The following YAP1 variants were observed in gnomAD, a reference collection of about 807,000 sequenced individuals.
YAP1 encodes the protein Yes1 associated transcriptional regulator, also known as transcriptional coactivator YAP1.
Under a neutral mutation model 56.9 loss-of-function variants are expected in YAP1, and 5 were observed. The ratio of observed to expected loss-of-function variants is 0.09; its 90% confidence interval spans 0.05 to 0.18. The LOEUF is 0.18. Among genes scored for constraint, YAP1 ranks in the 10% least tolerant of loss-of-function variants. The probability of loss-of-function intolerance (pLI) is 1.00; values close to 1 mark genes in which losing one functional copy is unlikely to be tolerated. For synonymous variants in YAP1, 265 were observed against 248.1 expected, an observed-to-expected ratio of 1.07 and a Z score of -0.64; for missense variants, 539 against 651.8, an observed-to-expected ratio of 0.83 and a Z score of 1.88.
chr11:102,124,580 G>A (rs1179199923), intron 2 of YAP1, among the ~76,000 whole-genome samples: 1 of 151,898 alleles, frequency 6.6e-6, no homozygotes, highest in Non-Finnish European at 1.5e-5. Context: ...TGTTTTATCT[G>A]TTATTTTTTT....
chr11:102,133,193 G>T (rs998119205), intron 2 of YAP1, among the ~76,000 whole-genome samples: 1 of 151,562 alleles, frequency 6.6e-6, no homozygotes, highest in African/African-American at 2.4e-5. Context: ...AAACAATTTG[G>T]TTTAAAAAAT....
chr11:102,121,858 C>T (rs975761240), intron 2 of YAP1, among the ~76,000 whole-genome samples: 1 of 152,150 alleles, frequency 6.6e-6, no homozygotes, highest in African/African-American at 2.4e-5. Flanking sequence ...AGTGCAGTTG[C>T]ATGATCACTG....
At chr11:102,133,534 T>A (rs1466359120) in intron 2 of YAP1, among the ~76,000 whole-genome samples, 1 of 152,194 alleles carries the variant, frequency 6.6e-6, no homozygotes, top group African/African-American at 2.4e-5. Context: ...AAGGCCCAAG[T>A]GATCTGCCTG....
chr11:102,199,179 A>C (rs1948719931), intron 4 of YAP1, among the ~76,000 whole-genome samples: 2 of 152,224 alleles, frequency 1.3e-5, no homozygotes, highest in Admixed American at 1.3e-4. Context: ...GTGAGAGAAT[A>C]ATCAGTCCTC....
At chr11:102,225,330 A>G (rs1319741617) in intron 7 of YAP1, among the ~76,000 whole-genome samples, 4 of 152,160 alleles carry the variant, frequency 2.6e-5, no homozygotes, top group African/African-American at 9.7e-5. Context: ...TACTAAAAAT[A>G]CAAAATTAGT....
intron 2 of YAP1, among the ~76,000 whole-genome samples, chr11:102,147,611 G>T (rs1945398711): frequency 6.6e-6 from 1 of 152,108 alleles, no homozygotes; most frequent in Non-Finnish European, 1.5e-5. Flanking sequence ...AGAAGTACAG[G>T]CAGAATCTGT....
chr11:102,186,897 G>A (rs1947994611), intron 4 of YAP1, among the ~76,000 whole-genome samples: 1 of 148,488 alleles, frequency 6.7e-6, no homozygotes, highest in African/African-American at 2.5e-5. Context: ...ATTTTTCCAA[G>A]GCCATGGAAT....
intron 6 of YAP1, among the ~76,000 whole-genome samples, chr11:102,217,761 G>A (rs113932145): frequency 0.014 from 2,136 of 152,060 alleles, 65 homozygotes; most frequent in African/African-American, 0.049. Context: ...CGCAATCTCA[G>A]CTACCAGAAC....
intron 1 of YAP1, chr11:102,112,796 G>A (rs1943041206): frequency 1.1e-5 from 11 of 983,766 alleles, no homozygotes; most frequent in African/African-American, 1.7e-5. Context: ...CTCATTGTGG[G>A]TAAATGTATG....
chr11:102,227,787 G>T (rs1395600534), intron 8 of YAP1, among the ~76,000 whole-genome samples: 1 of 152,146 alleles, frequency 6.6e-6, no homozygotes, highest in Admixed American at 6.6e-5. Context: ...ATCATGGATT[G>T]GCCGGGTGCA....
chr11:102,111,109 G>A lies in YAP1; in HGVS notation c.261G>A (p.Arg87=). 2.5e-6 allele frequency: 4 copies of A among 1,613,392 alleles called. No homozygotes were observed. Among genetic ancestry groups the A allele is most frequent in the Non-Finnish European group, 3.4e-6 (4 of 1,179,888 alleles). Residue 87 remains arginine (R), a synonymous_variant, in exon 1 of 9, where the codon AGG becomes AGA. Coordinates refer to ENST00000282441, the MANE Select transcript of YAP1 (RefSeq NM_001130145.3). ...ACGTGCCCCAGACCGTGCCCATGAGGCTCCGGAAGCTGCCCGACTCCTTCT... is the reference window on the plus strand; with the variant it reads ...ACGTGCCCCAGACCGTGCCCATGAGACTCCGGAAGCTGCCCGACTCCTTCT... The part of the protein sequence containing the change: ...TANVPQTVPM[R]LRKLPDSFFK...
chr11:102,186,665 T>C (rs1947966382), intron 4 of YAP1: 1 of 152,516 alleles, frequency 6.6e-6, no homozygotes, highest in African/African-American at 2.4e-5. Flanking sequence ...GAAAAATAAA[T>C]GTTTTTTTTT....
chr11:102,174,692 G>A (rs1947131067), intron 3 of YAP1, among the ~76,000 whole-genome samples: 1 of 152,138 alleles, frequency 6.6e-6, no homozygotes, highest in Non-Finnish European at 1.5e-5. Context: ...AATCATGTCA[G>A]CTCAGCAAAC....
intron 2 of YAP1, among the ~76,000 whole-genome samples, chr11:102,158,368 C>G (rs1946070424): frequency 6.6e-6 from 1 of 152,172 alleles, no homozygotes; most frequent in African/African-American, 2.4e-5. Flanking sequence ...TATTTACCCT[C>G]CAGGCATATG....
chr11:102,223,794 T>C (rs372828361), intron 7 of YAP1, 42 bp downstream of exon 7: 16 of 1,611,308 alleles, frequency 9.9e-6, no homozygotes, highest in Non-Finnish European at 1.4e-5. Context: ...AAAAGGATCA[T>C]TGCTTTAAAA....
At chr11:102,217,865 A>G (rs1949736355) in intron 6 of YAP1, among the ~76,000 whole-genome samples, 2 of 151,844 alleles carry the variant, frequency 1.3e-5, no homozygotes, top group African/African-American at 4.8e-5. Context: ...ACACCCAGCT[A>G]ATTTTTTGTA....
chr11:102,163,624 C>T (rs1307878607), intron 3 of YAP1, among the ~76,000 whole-genome samples: 1 of 152,184 alleles, frequency 6.6e-6, no homozygotes, highest in Admixed American at 6.5e-5. Context: ...TGGCTTTCTC[C>T]ACCGCCCATG....
intron 2 of YAP1, among the ~76,000 whole-genome samples, chr11:102,115,339 G>A (rs1484976772): frequency 1.3e-5 from 2 of 152,148 alleles, no homozygotes; most frequent in Non-Finnish European, 2.9e-5. Flanking sequence ...TTTTGATTCG[G>A]ATAGGTCTTG....
chr11:102,210,208 G>A (rs1413201534), intron 6 of YAP1, among the ~76,000 whole-genome samples: 1 of 152,174 alleles, frequency 6.6e-6, no homozygotes, highest in East Asian at 1.9e-4. Flanking sequence ...TGACTCGTGG[G>A]AAGAATCTCG....
Sources: gnomAD v4.1 joint callset for allele counts (sites outside exome capture counted in the v4.1 genomes callset) on GRCh38, gnomAD v4.1.1 for gene constraint, MANE v1.5 for transcripts, NCBI Gene and HGNC (gene_info 2026-07-23, HGNC 2026-07-21) for gene names.